The following FBN1 variants were observed in gnomAD, a reference collection of about 807,000 sequenced individuals.
FBN1 encodes the protein fibrillin-1.
FBN1 carries 29 observed loss-of-function variants against 365.1 expected under a neutral mutation model. The ratio of observed to expected loss-of-function variants is 0.08; its 90% CI spans 0.06 to 0.11. The LOEUF is 0.11. Among genes scored for constraint, FBN1 ranks in the 10% least tolerant of loss-of-function variants. The pLI is 1.00. For synonymous variants in FBN1, 1,210 were observed against 1,270.5 expected (o/e 0.95, Z 1.01); for missense variants, 2,476 against 3,703.2 (o/e 0.67, Z 8.60).
intron 4 of FBN1, among the ~76,000 whole-genome samples, chr15:48,602,123 T>C (rs1245923484): frequency 1.3e-5 from 2 of 152,104 alleles, no homozygotes; most frequent in African/African-American, 4.8e-5. Flanking sequence ...TCCTTGCCCC[T>C]AACTCCTAAA....
In FBN1 at chr15:48,445,399, G is replaced by A; in HGVS notation, c.5894C>T (p.Ala1965Val). Reference sequence around the variant, plus strand: ...ACCCACACAGGTCCTCCCATCTGGAGCCACCTCATAGCCTTCATTGCACTG... The same window carrying A: ...ACCCACACAGGTCCTCCCATCTGGAACCACCTCATAGCCTTCATTGCACTG... ...QCQCNEGYEV[A>V]PDGRTCVDIN... Residue 1965 changes from alanine to valine, a missense_variant, in exon 48 of 66, where the codon GCT (alanine) becomes GTT (valine). Coordinates refer to ENST00000316623, the MANE Select transcript of FBN1 (RefSeq NM_000138.5). The A allele has an allele frequency of 6.2e-7, 1 of 1,612,626 alleles. No homozygotes were observed.
intron 15 of FBN1, among the ~76,000 whole-genome samples, chr15:48,506,954 A>C (rs2043713933): frequency 6.6e-6 from 1 of 152,148 alleles, no homozygotes; most frequent in African/African-American, 2.4e-5. Flanking sequence ...CTTAAGCCAG[A>C]ATGCTAAAGT....
At chr15:48,571,580 T>G (rs2044305876) in intron 6 of FBN1, among the ~76,000 whole-genome samples, 1 of 152,170 alleles carries the variant, frequency 6.6e-6, no homozygotes, top group Admixed American at 6.5e-5. Context: ...CCTATTTCAA[T>G]AAAGAGTAAA....
At chr15:48,633,821 C>T (rs973695040) in intron 2 of FBN1, among the ~76,000 whole-genome samples, 1 of 152,094 alleles carries the variant, frequency 6.6e-6, no homozygotes, top group African/African-American at 2.4e-5. Context: ...ACAAAGAGGC[C>T]CAATCTATTA....
At chr15:48,593,203 A>T (rs887980535) in intron 6 of FBN1, among the ~76,000 whole-genome samples, 3 of 152,176 alleles carry the variant, frequency 2.0e-5, no homozygotes, top group African/African-American at 7.2e-5. Context: ...ATGTGATACA[A>T]ATCCTGCCAG....
At chr15:48,505,238 G>A (rs2043698926) in intron 15 of FBN1, 91 bp from the exon 16 acceptor site, 2 of 1,499,598 alleles carry the variant, frequency 1.3e-6, no homozygotes, top group Admixed American at 3.4e-5. Flanking sequence ...CTTGAAAATG[G>A]GGAAGATAGG....
intron 31 of FBN1, among the ~76,000 whole-genome samples, 179 bp from the exon 32 acceptor site, chr15:48,481,959 T>C (rs2043468887): frequency 6.6e-6 from 1 of 152,194 alleles, no homozygotes; most frequent in Non-Finnish European, 1.5e-5. Flanking sequence ...CATTGCAAGC[T>C]CATTATTCAG....
At chr15:48,413,100 C>A (rs1449697530) in intron 64 of FBN1, among the ~76,000 whole-genome samples, 2 of 152,142 alleles carry the variant, frequency 1.3e-5, no homozygotes, top group Admixed American at 1.3e-4. Context: ...ACTTGGGAGG[C>A]TAAATAAAAA....
intron 3 of FBN1, among the ~76,000 whole-genome samples, chr15:48,611,398 C>G (rs1285064564): frequency 6.6e-6 from 1 of 151,980 alleles, no homozygotes; most frequent in African/African-American, 2.4e-5. Flanking sequence ...GTAGCTGGGA[C>G]TACAGGCATG....
chr15:48,430,366 C>A (rs934375019), intron 56 of FBN1, among the ~76,000 whole-genome samples: 2 of 151,982 alleles, frequency 1.3e-5, no homozygotes, highest in Non-Finnish European at 2.9e-5. Flanking sequence ...AGAATTGACC[C>A]CCAAATCAAC....
At chr15:48,523,619 A>C (rs1363833229) in intron 9 of FBN1, among the ~76,000 whole-genome samples, 1 of 151,834 alleles carries the variant, frequency 6.6e-6, no homozygotes, top group Non-Finnish European at 1.5e-5. Context: ...AAAAACTGAA[A>C]ATTGGAAACC....
Position 48,515,481 on chromosome 15 carries a change from A to G in FBN1, c.1374T>C (p.Tyr458=). 1.2e-6 allele frequency: 2 copies of G among 1,614,060 alleles called. No individual in the cohort carries two copies. Among genetic ancestry groups the G allele is most frequent in the Non-Finnish European group, 1.7e-6 (2 of 1,179,946 alleles). ...GAATGCAGCGTCCATTTTGACAGAG[A>G]TAGCGGACCAACTGGCAGTAATCAG... is the stretch of plus-strand genomic sequence containing the variant. ...NVTDYCQLVR[Y]LCQNGRCIPT... Residue 458 remains tyrosine (Y), a synonymous_variant, in exon 12 of 66, where the codon TAT becomes TAC. Coordinates refer to ENST00000316623, the MANE Select transcript of FBN1 (RefSeq NM_000138.5).
At chr15:48,454,727 C>T (rs1040101516) in intron 44 of FBN1, among the ~76,000 whole-genome samples, 3 of 152,184 alleles carry the variant, frequency 2.0e-5, no homozygotes, top group Non-Finnish European at 4.4e-5. Flanking sequence ...ATACATCAGC[C>T]GATGCCTCTT....
In FBN1 at chr15:48,593,892, T is replaced by A. The variant is rs527940775; in HGVS notation, c.538+2391A>T. On this transcript the variant is annotated intron_variant, in intron 6 of 65. Coordinates refer to ENST00000316623, the MANE Select transcript of FBN1 (RefSeq NM_000138.5). ...GTAAAGGCCTCCCGGATCTGCACTTTAAAAAATAAACATCACATCCCAGTT... is the reference window on the plus strand; with the variant it reads ...GTAAAGGCCTCCCGGATCTGCACTTAAAAAAATAAACATCACATCCCAGTT... Among the ~76,000 whole-genome samples the A allele has an allele frequency of 2.4e-3, 372 of 152,224 alleles. 1 individual carries two copies. The highest frequency in any genetic ancestry group is 8.6e-3 in the African/African-American group (356 of 41,542).
At chr15:48,523,810 G>C (rs2043883044) in intron 9 of FBN1, among the ~76,000 whole-genome samples, 1 of 151,934 alleles carries the variant, frequency 6.6e-6, no homozygotes, top group South Asian at 2.1e-4. Flanking sequence ...AAGCTAAGGG[G>C]ACATAAAGGG....
chr15:48,592,688 T>C (rs942611796), intron 6 of FBN1, among the ~76,000 whole-genome samples: 11 of 151,996 alleles, frequency 7.2e-5, no homozygotes, highest in African/African-American at 1.9e-4. Context: ...TAAAGAAACT[T>C]GTGGTTAAAA....
chr15:48,568,666 T>C (rs954372721), intron 6 of FBN1, among the ~76,000 whole-genome samples: 4 of 151,958 alleles, frequency 2.6e-5, no homozygotes, highest in African/African-American at 9.7e-5. Flanking sequence ...TGAAACAGAA[T>C]AGAAAGGCCA....
chr15:48,527,233 A>T (rs1365478239), intron 8 of FBN1, among the ~76,000 whole-genome samples: 1 of 152,254 alleles, frequency 6.6e-6, no homozygotes, highest in Non-Finnish European at 1.5e-5. Flanking sequence ...TCAGGGCTTG[A>T]CACCACTGGT....
chr15:48,598,273 T>C (rs1176872769), intron 5 of FBN1, among the ~76,000 whole-genome samples: 3 of 152,232 alleles, frequency 2.0e-5, no homozygotes, highest in African/African-American at 7.2e-5. Flanking sequence ...AGTTCCCTCA[T>C]CTGCCAGAGG....
Sources: gnomAD v4.1 joint callset for allele counts (sites outside exome capture counted in the v4.1 genomes callset) on GRCh38, gnomAD v4.1.1 for gene constraint, MANE v1.5 for transcripts, NCBI Gene and HGNC (gene_info 2026-07-23, HGNC 2026-07-21) for gene names.